The following SMTNL2 variants were observed in gnomAD, a reference collection of about 807,000 sequenced individuals.
SMTNL2 encodes smoothelin like 2, also known as smoothelin-like protein 2.
SMTNL2 carries 43 observed loss-of-function variants against 44.1 expected under a neutral mutation model. The ratio of observed to expected loss-of-function variants is 0.98; its 90% CI spans 0.76 to 1.26. SMTNL2 has a LOEUF of 1.26. Ranked by LOEUF, SMTNL2 falls within the 50% of genes most tolerant of loss-of-function variation. SMTNL2 has a pLI of 0.00. For missense variants in SMTNL2, 646 were observed against 670.2 expected, an observed-to-expected ratio of 0.96 and a Z score of 0.40; for synonymous variants, 317 against 287.6, an observed-to-expected ratio of 1.10 and a Z score of -1.03.
intron 1 of SMTNL2, among the ~76,000 whole-genome samples, chr17:4,588,970 G>A (rs953478195): frequency 3.9e-5 from 6 of 152,150 alleles, no homozygotes; most frequent in African/African-American, 1.2e-4. Context: ...AGCCCCTTGC[G>A]CCTTGACCTA....
intron 7 of SMTNL2, among the ~76,000 whole-genome samples, chr17:4,604,865 T>C (rs1029411062): frequency 6.6e-6 from 1 of 151,568 alleles, no homozygotes; most frequent in East Asian, 2.0e-4. Flanking sequence ...GAGACAGGGT[T>C]TCACCATGTT....
At chr17:4,601,999 G>A (rs1910057363) in intron 7 of SMTNL2, among the ~76,000 whole-genome samples, 1 of 151,956 alleles carries the variant, frequency 6.6e-6, no homozygotes, top group South Asian at 2.1e-4. Flanking sequence ...GCCTATGTCT[G>A]CAGCTTCCAG....
chr17:4,594,493 A>G (rs1909722464), intron 4 of SMTNL2, among the ~76,000 whole-genome samples: 1 of 152,016 alleles, frequency 6.6e-6, no homozygotes, highest in South Asian at 2.1e-4. Context: ...ATAAAAAACA[A>G]AAAAATATTG....
At chr17:4,590,464 A>C in intron 1 of SMTNL2, among the ~76,000 whole-genome samples, 2 of 150,304 alleles carry the variant, frequency 1.3e-5, no homozygotes, top group African/African-American at 4.9e-5. Flanking sequence ...CATGCCCCTG[A>C]CTCCTGTTTT....
upstream of SMTNL2, chr17:4,584,501 C>T: frequency 2.5e-6 from 3 of 1,178,990 alleles, no homozygotes; most frequent in Non-Finnish European, 1.1e-6. Context: ...CCCGGCAGCC[C>T]CTCGAGCGAA....
chr17:4,601,187 G>A (rs2150524986), intron 7 of SMTNL2, among the ~76,000 whole-genome samples: 1 of 152,338 alleles, frequency 6.6e-6, no homozygotes, highest in South Asian at 2.1e-4. Flanking sequence ...GCCAAGGCAG[G>A]TGGATTGCTT....
At chr17:4,589,370 C>T (rs1392367408) in intron 1 of SMTNL2, among the ~76,000 whole-genome samples, 1 of 152,074 alleles carries the variant, frequency 6.6e-6, no homozygotes, top group African/African-American at 2.4e-5. Context: ...CACGGAGACC[C>T]CAGAGCCTGG....
Position 4,605,759 on chromosome 17 carries a change from C to T in SMTNL2, c.1260-1602C>T, listed in dbSNP as rs376662997. 7.2e-5 allele frequency among the ~76,000 whole-genome samples: 11 copies of T among 152,282 alleles called. No homozygotes were observed. The South Asian group carries it at 1.0e-3, about 14-fold the overall frequency. ...AGGGCACTGACAATCGGGCCAAGTG[C>T]GATCGTTTTTGCCTTTTTGGTTCTG... On this transcript the variant is annotated intron_variant, in intron 7 of 7. Coordinates refer to ENST00000389313, the MANE Select transcript of SMTNL2 (RefSeq NM_001114974.2).
rs148444639 is a variant in SMTNL2, at chr17:4,597,806, G to C, written c.1259+483G>C. 2.0e-3 allele frequency among the ~76,000 whole-genome samples: 303 copies of C among 152,306 alleles called. 2 individuals carry two copies. The highest frequency in any genetic ancestry group is 0.01 in the Middle Eastern group (3 of 292). On this transcript the variant is annotated intron_variant, in intron 7 of 7. Coordinates refer to ENST00000389313, the MANE Select transcript of SMTNL2 (RefSeq NM_001114974.2). ...TTTTCCTTCCCGAAATGGTGTTCTG[G>C]CATTTATTGTGAAATTGCCTAGCTT...
intron 1 of SMTNL2, 23 bp downstream of exon 1, chr17:4,585,027 G>A: frequency 7.7e-7 from 1 of 1,304,824 alleles, no homozygotes; most frequent in Non-Finnish European, 9.7e-7. Flanking sequence ...GAGCGCGTGC[G>A]CTGGCGCCAG....
intron 1 of SMTNL2, among the ~76,000 whole-genome samples, chr17:4,585,315 C>A (rs865813235): frequency 1.3e-5 from 2 of 152,258 alleles, no homozygotes; most frequent in Non-Finnish European, 2.9e-5. Flanking sequence ...CGAAGTCCGG[C>A]CCCTGACTGT....
intron 1 of SMTNL2, among the ~76,000 whole-genome samples, chr17:4,587,995 C>G (rs1395787105): frequency 6.6e-6 from 1 of 152,254 alleles, no homozygotes; most frequent in Non-Finnish European, 1.5e-5. Flanking sequence ...GCCCCAGGAA[C>G]AGCTGCCAGG....
Position 4,584,692 on chromosome 17 carries a change from C to T in SMTNL2, c.87C>T (p.Arg29=). The T allele has an allele frequency of 1.6e-6, 2 of 1,286,614 alleles. No individual in the cohort carries two copies. The highest frequency in any genetic ancestry group is 3.2e-5 in the East Asian group (1 of 31,096). 79.7% of individuals were successfully genotyped at this position (1,286,614 alleles called of 1,614,324 possible). ...RYEAALEGAV[R]ALHEDMRGLQ... ...AGGCGGCGCTGGAGGGTGCGGTGCG[C>T]GCGCTGCACGAGGACATGCGGGGGC... The change falls in exon 1 of 8, where the codon CGC becomes CGT. Residue 29 remains arginine (R), a synonymous_variant. Coordinates refer to ENST00000389313, the MANE Select transcript of SMTNL2 (RefSeq NM_001114974.2).
At chr17:4,585,074 C>G (rs1367900840) in intron 1 of SMTNL2, 70 bp downstream of exon 1, 1 of 1,265,666 alleles carries the variant, frequency 7.9e-7, no homozygotes. Context: ...CCCCTTCGCC[C>G]CGACTGCCTG....
At chr17:4,605,611 A>T (rs1910237941) in intron 7 of SMTNL2, among the ~76,000 whole-genome samples, 3 of 152,184 alleles carry the variant, frequency 2.0e-5, no homozygotes, top group Non-Finnish European at 2.9e-5. Context: ...TGTTGCCCAC[A>T]GATATATAGC....
chr17:4,588,902 A>G (rs8077825), intron 1 of SMTNL2, among the ~76,000 whole-genome samples: 36,906 of 151,824 alleles, frequency 0.24, 6,482 homozygotes, highest in African/African-American at 0.5. Flanking sequence ...CCCCTGCCCC[A>G]CCCCACGTCT....
rs747868778 is a variant in SMTNL2, at chr17:4,607,481, C to T, written c.1380C>T (p.Phe460=). The change falls in exon 8 of 8, where the codon TTC becomes TTT. Residue 460 remains phenylalanine (F), a synonymous_variant. Transcript: ENST00000389313. The surrounding 1 kb of genome is among the most constrained non-coding windows in gnomAD (Gnocchi z 4.7). ...VQSLYNHLRR[F]E is the part of the protein sequence containing the mutation. Reference sequence around the variant, plus strand: ...CGCTGTACAACCACCTGCGTCGCTTCGAGTAAAGCCCCTGAGCCTGGATTG... The same window carrying T: ...CGCTGTACAACCACCTGCGTCGCTTTGAGTAAAGCCCCTGAGCCTGGATTG... The T allele has an allele frequency of 9.3e-6, 15 of 1,613,940 alleles. 1 individual carries two copies. The highest frequency in any genetic ancestry group is 8.5e-6 in the Non-Finnish European group (10 of 1,179,950).
chr17:4,594,603 G>A (rs529709094), intron 4 of SMTNL2, among the ~76,000 whole-genome samples: 2 of 152,240 alleles, frequency 1.3e-5, no homozygotes, highest in East Asian at 3.9e-4. Context: ...TCCTGCCCAC[G>A]GGCTGCGAGC....
rs756569460 is a variant in SMTNL2, at chr17:4,593,050, C to T, written c.609C>T (p.Val203=). 6.2e-6 allele frequency: 10 copies of T among 1,614,092 alleles called. No individual in the cohort carries two copies. Residue 203 remains valine (V), a synonymous_variant, in exon 3 of 8, where the codon GTC becomes GTT. Transcript: ENST00000389313. ...AGCCAGTCACGGCCATCACCCGAGT[C>T]TCTGACAGGTTCTCTGGGGAGACCT... The part of the protein sequence containing the change: ...PHQPVTAITR[V]SDRFSGETSA...
Sources: gnomAD v4.1 joint callset for allele counts (sites outside exome capture counted in the v4.1 genomes callset) on GRCh38, gnomAD v4.1.1 for gene constraint, Gnocchi (gnomAD v3.1) non-coding constraint, MANE v1.5 for transcripts, NCBI Gene and HGNC (gene_info 2026-07-23, HGNC 2026-07-21) for gene names.